YIPF1: variants seen among roughly 807,000 people sequenced by gnomAD.
The protein encoded by YIPF1 is protein YIPF1.
In YIPF1, 22 loss-of-function variants were observed where a neutral mutation model predicts 37.0. The observed-to-expected ratio is 0.59, with a 90% CI of 0.42 to 0.85. YIPF1 has a LOEUF of 0.85. Among genes scored for constraint, YIPF1 ranks in the 40% least tolerant of loss-of-function variants. YIPF1 has a pLI of 0.00. For missense variants in YIPF1, 355 were observed against 373.1 expected (o/e 0.95, Z 0.40); for synonymous variants, 128 against 131.9 (o/e 0.97, Z 0.21).
At chr1:53,882,636 T>C (rs928015010) in intron 4 of YIPF1, among the ~76,000 whole-genome samples, 3 of 152,106 alleles carry the variant, frequency 2.0e-5, no homozygotes, top group African/African-American at 7.2e-5. Context: ...ATTTTGTACT[T>C]TTTGTAGAGG....
At chr1:53,865,177 CCTTTAAA>C (rs1649984632) in intron 9 of YIPF1, among the ~76,000 whole-genome samples, 1 of 152,152 alleles carries the variant, frequency 6.6e-6, no homozygotes, top group Non-Finnish European at 1.5e-5. Context: ...TTAATTCCTA[CCTTTAAA>C]CTTTAAACTT....
intron 3 of YIPF1, chr1:53,886,706 A>G (rs1318656328): frequency 6.6e-6 from 1 of 151,914 alleles, no homozygotes; most frequent in Non-Finnish European, 1.5e-5. Context: ...TCTGGAACAC[A>G]AGTGTTCTCC....
In YIPF1 at chr1:53,876,024, ACAAT is replaced by A. The variant is rs1435687221; in HGVS notation, c.364+2287_364+2290del. 9.8e-5 allele frequency among the ~76,000 whole-genome samples: 15 copies of A among 152,364 alleles called. No individual in the cohort carries two copies. In the East Asian group the frequency reaches 2.9e-3, roughly 29 times the overall value. On this transcript the variant is annotated intron_variant, in intron 6 of 10. Transcript: ENST00000072644. ...ATGTTTTCACTGCTGTATCTCCAGTACAATAGCAAGAGCTCAATGTTTGTTGAAT... is the reference window on the plus strand; with the variant it reads ...ATGTTTTCACTGCTGTATCTCCAGTAAGCAAGAGCTCAATGTTTGTTGAAT...
chr1:53,886,051 A>G (rs936179408), intron 3 of YIPF1, among the ~76,000 whole-genome samples: 4 of 151,888 alleles, frequency 2.6e-5, no homozygotes, highest in Non-Finnish European at 4.4e-5. Flanking sequence ...GGAATGCCAG[A>G]AGGAGGAACA....
intron 6 of YIPF1, among the ~76,000 whole-genome samples, chr1:53,876,541 TCA>T (rs768376034): frequency 5.9e-5 from 9 of 152,238 alleles, no homozygotes; most frequent in Non-Finnish European, 1.2e-4. Context: ...GCTACTAGTG[TCA>T]CAGAAAAGAA....
intron 4 of YIPF1, among the ~76,000 whole-genome samples, chr1:53,881,619 A>G (rs1650504158): frequency 6.6e-6 from 1 of 152,166 alleles, no homozygotes; most frequent in Non-Finnish European, 1.5e-5. Context: ...AGAAAGCTCA[A>G]TATCTTGATT....
intron 7 of YIPF1, among the ~76,000 whole-genome samples, chr1:53,869,160 T>TCTCTCTCTCTCTCACACACA: frequency 7.2e-6 from 1 of 138,054 alleles, no homozygotes; most frequent in African/African-American, 2.8e-5. Context: ...TCTCTCTCTC[T>TCTCTCTCTCTCTCACACACA]CACACACACA....
At chr1:53,874,363 T>C (rs1274759828) in intron 6 of YIPF1, among the ~76,000 whole-genome samples, 1 of 152,220 alleles carries the variant, frequency 6.6e-6, no homozygotes, top group Non-Finnish European at 1.5e-5. Flanking sequence ...TTAGGTTGTA[T>C]TTATAATTAA....
chr1:53,882,331 C>T (rs774476969), intron 4 of YIPF1, among the ~76,000 whole-genome samples: 5 of 151,918 alleles, frequency 3.3e-5, no homozygotes, highest in South Asian at 2.1e-4. Flanking sequence ...AAATAAAAGT[C>T]GAAGAAAAAA....
At position 53,887,225 on chromosome 1, in the gene YIPF1, G is replaced by A. The variant is rs757503883; in HGVS notation, c.31+1682C>T. On this transcript the variant is annotated intron_variant, in intron 3 of 10. Coordinates refer to ENST00000072644, the MANE Select transcript of YIPF1 (RefSeq NM_018982.5). ...CTCCAGAGTAGCTGGGATTACAGGC[G>A]TGCACCACCATGCCCAGCTAATTTT... Among the ~76,000 whole-genome samples, 24 of 151,876 alleles carry A rather than the reference G, an allele frequency of 1.6e-4. 1 individual carries two copies. Among genetic ancestry groups the A allele is most frequent in the Non-Finnish European group, 1.0e-4 (7 of 68,034 alleles).
At chr1:53,857,000 T>A (rs1316646470) in intron 10 of YIPF1, among the ~76,000 whole-genome samples, 2 of 152,196 alleles carry the variant, frequency 1.3e-5, no homozygotes, top group African/African-American at 4.8e-5. Context: ...ACTATCAGAC[T>A]CGATTGCCTC....
At chr1:53,877,606 G>A (rs1363984925) in intron 6 of YIPF1, among the ~76,000 whole-genome samples, 2 of 152,106 alleles carry the variant, frequency 1.3e-5, no homozygotes, top group African/African-American at 2.4e-5. Flanking sequence ...AACAATCCCC[G>A]GCCCAATCCT....
intron 6 of YIPF1, among the ~76,000 whole-genome samples, chr1:53,877,005 A>G (rs1207940715): frequency 6.6e-6 from 1 of 152,256 alleles, no homozygotes; most frequent in Non-Finnish European, 1.5e-5. Context: ...AAGGTATTCA[A>G]CAGATGTTAG....
chr1:53,858,839 T>C (rs1399131073), intron 10 of YIPF1, among the ~76,000 whole-genome samples: 2 of 152,188 alleles, frequency 1.3e-5, no homozygotes, highest in African/African-American at 4.8e-5. Context: ...TTTTGCCGCA[T>C]TGCCCAGGTT....
At chr1:53,869,591 C>T (rs1019047995) in intron 7 of YIPF1, among the ~76,000 whole-genome samples, 3 of 152,078 alleles carry the variant, frequency 2.0e-5, no homozygotes, top group African/African-American at 7.2e-5. Flanking sequence ...CTTATCCAGG[C>T]TACTTACAGC....
intron 10 of YIPF1, among the ~76,000 whole-genome samples, chr1:53,856,381 A>G (rs925883472): frequency 6.6e-6 from 1 of 152,206 alleles, no homozygotes. Flanking sequence ...GAGACCCTCA[A>G]CATGGCGATG....
chr1:53,880,808 G>C (rs1220233378), intron 4 of YIPF1, among the ~76,000 whole-genome samples: 1 of 152,148 alleles, frequency 6.6e-6, no homozygotes. Context: ...ACAAGCAATG[G>C]GGAAAGGATT....
chr1:53,872,049 T>C (rs1650207312), intron 6 of YIPF1, among the ~76,000 whole-genome samples: 1 of 151,612 alleles, frequency 6.6e-6, no homozygotes, highest in African/African-American at 2.4e-5. Context: ...TTTTTCTTTT[T>C]TTTTTTAATG....
chr1:53,882,790 AG>A (rs553513807), intron 4 of YIPF1, among the ~76,000 whole-genome samples: 3 of 23,732 alleles, frequency 1.3e-4, no homozygotes, highest in African/African-American at 2.9e-4. Flanking sequence ...TAGCAAGGAC[AG>A]CATCAATATC....
Sources: allele counts gnomAD v4.1 joint callset (sites outside exome capture counted in the v4.1 genomes callset), GRCh38; gene constraint gnomAD v4.1.1; transcripts MANE v1.5; gene names NCBI Gene and HGNC (gene_info 2026-07-23, HGNC 2026-07-21).